The following ZNG1F variants were observed in gnomAD, a reference collection of about 807,000 sequenced individuals.
The protein encoded by ZNG1F is Zn regulated GTPase metalloprotein activator 1F.
chr9:41,204,388 T>TTA, the ZNG1F span, among the ~76,000 whole-genome samples: 487 of 20,166 alleles, frequency 0.024, 20 homozygotes, highest in African/African-American at 0.04. Context: ...AATTTTTATT[T>TTA]TATATATATA....
At chr9:41,138,083 GTCCTGTGA>G in the ZNG1F span, among the ~76,000 whole-genome samples, 2 of 139,252 alleles carry the variant, frequency 1.4e-5, no homozygotes, top group South Asian at 2.5e-4. Flanking sequence ...TGTTTTATAG[GTCCTGTGA>G]TATTTATGCT....
At chr9:41,193,671 G>T in the ZNG1F span, among the ~76,000 whole-genome samples, 1 of 151,662 alleles carries the variant, frequency 6.6e-6, no homozygotes, top group East Asian at 2.0e-4. Flanking sequence ...AAGCCAGGGC[G>T]GGTGGATCAC....
chr9:41,171,865 T>C, the ZNG1F span: 11 of 219,490 alleles, frequency 5.0e-5, no homozygotes, highest in South Asian at 2.6e-4. Context: ...GCCCTATCCA[T>C]ATGCTCAGAT....
At chr9:41,166,586 C>T in the ZNG1F span, among the ~76,000 whole-genome samples, 252 of 108,270 alleles carry the variant, frequency 2.3e-3, no homozygotes, top group African/African-American at 7.6e-3. Flanking sequence ...CTTTATGCTA[C>T]GACAAAAATG....
At chr9:41,200,743 A>G in the ZNG1F span, among the ~76,000 whole-genome samples, 1 of 152,342 alleles carries the variant, frequency 6.6e-6, no homozygotes, top group African/African-American at 2.4e-5. Context: ...AGGCCTCACA[A>G]TCATGGCGGA....
At chr9:41,204,256 C>T in the ZNG1F span, among the ~76,000 whole-genome samples, 61 of 146,106 alleles carry the variant, frequency 4.2e-4, no homozygotes, top group South Asian at 4.4e-4. Context: ...AGAATATGTT[C>T]TTTGGTTTGC....
the ZNG1F span, among the ~76,000 whole-genome samples, chr9:41,155,126 A>G: frequency 2.0e-5 from 3 of 151,092 alleles, 1 homozygote; most frequent in Admixed American, 2.0e-4. Flanking sequence ...GCTAATATCC[A>G]GAATCTACAA....
At chr9:41,132,088 G>C in the ZNG1F span, 1 of 1,549,006 alleles carries the variant, frequency 6.5e-7, no homozygotes, top group South Asian at 1.2e-5. Flanking sequence ...ATTGTAACGT[G>C]ACAAAGATGA....
chr9:41,132,305 T>C, the ZNG1F span: 1 of 1,604,902 alleles, frequency 6.2e-7, no homozygotes, highest in Non-Finnish European at 8.5e-7. Context: ...ACAGAGCTCA[T>C]GGACACCCTG....
chr9:41,156,112 T>C, the ZNG1F span, among the ~76,000 whole-genome samples: 1 of 130,924 alleles, frequency 7.6e-6, no homozygotes, highest in African/African-American at 3.1e-5. Context: ...ATAGAAAGAG[T>C]ATTAGACATA....
chr9:41,183,660 C>T, the ZNG1F span: 4 of 1,605,606 alleles, frequency 2.5e-6, no homozygotes, highest in Admixed American at 3.4e-5. Context: ...CAGCGCACTT[C>T]CTAGAATAAA....
At chr9:41,158,891 A>G in the ZNG1F span, 1 of 142,324 alleles carries the variant, frequency 7.0e-6, no homozygotes. Flanking sequence ...AAAAGGAAAA[A>G]AAAGACCATT....
chr9:41,185,243 C>A, the ZNG1F span, among the ~76,000 whole-genome samples: 2 of 136,034 alleles, frequency 1.5e-5, no homozygotes, highest in South Asian at 2.4e-4. Flanking sequence ...TGTTTACTTT[C>A]TTTTTAAAAT....
the ZNG1F span, among the ~76,000 whole-genome samples, chr9:41,185,541 C>T: frequency 1.9e-3 from 276 of 146,710 alleles, 1 homozygote; most frequent in East Asian, 0.052. Flanking sequence ...GGCATGGTGG[C>T]GCATGCCTGT....
At chr9:41,150,726 A>ACGGC in the ZNG1F span, among the ~76,000 whole-genome samples, 2 of 77,508 alleles carry the variant, frequency 2.6e-5, no homozygotes, top group African/African-American at 1.0e-4. Context: ...GACACCTCAC[A>ACGGC]CGGCCGGGTA....
the ZNG1F span, chr9:41,176,982 CAGAATAAGA>C: frequency 7.1e-6 from 1 of 140,794 alleles, no homozygotes; most frequent in Non-Finnish European, 1.5e-5. Flanking sequence ...AAGCAAGAAG[CAGAATAAGA>C]TGAAAATGCA....
At chr9:41,199,755 A>G in the ZNG1F span, among the ~76,000 whole-genome samples, 2 of 152,080 alleles carry the variant, frequency 1.3e-5, no homozygotes, top group African/African-American at 4.8e-5. Context: ...GCAAACTTCT[A>G]CATCTTCTGA....
At chr9:41,185,804 T>C in the ZNG1F span, among the ~76,000 whole-genome samples, 1 of 97,984 alleles carries the variant, frequency 1.0e-5, no homozygotes, top group African/African-American at 3.8e-5. Flanking sequence ...CAAAATAAAA[T>C]TTTATTAAAA....
the ZNG1F span, chr9:41,158,196 C>T: frequency 2.3e-4 from 8 of 34,068 alleles, 4 homozygotes; most frequent in African/African-American, 5.4e-4. Flanking sequence ...CACCTGTAAT[C>T]CCAGCTACTC....
Sources: gnomAD v4.1 joint callset for allele counts (sites outside exome capture counted in the v4.1 genomes callset) on GRCh38, gnomAD v4.1.1 for gene constraint, MANE v1.5 for transcripts, NCBI Gene and HGNC (gene_info 2026-07-23, HGNC 2026-07-21) for gene names.